The following HLA-DQB1 variants were observed in gnomAD, a reference collection of about 807,000 sequenced individuals.
HLA-DQB1 encodes HLA class II histocompatibility antigen, DQ beta 1 chain.
HLA-DQB1 carries 13 observed loss-of-function variants against 26.4 expected under a neutral mutation model. The ratio of observed to expected loss-of-function variants is 0.49; its 90% CI spans 0.32 to 0.78. HLA-DQB1 has a LOEUF of 0.78. HLA-DQB1 is among the 30% of genes least tolerant of loss of function. The pLI is 0.03. For missense variants in HLA-DQB1, 158 were observed against 326.2 expected (o/e 0.48, Z 3.97); for synonymous variants, 60 against 129.1 (o/e 0.46, Z 3.63).
chr6:32,664,649 G>GCCCC, intron 2 of HLA-DQB1, 149 bp downstream of exon 2: 1 of 210,466 alleles, frequency 4.8e-6, no homozygotes, highest in Non-Finnish European at 8.7e-6. Context: ...CGATGCACCT[G>GCCCC]CCCCCACCAC....
rs1130391 is a variant in HLA-DQB1, at chr6:32,664,847, C to T, written c.330G>A (p.Val110=). The change falls in exon 2 of 5, where the codon GTG becomes GTA. Residue 110 remains valine, a synonymous_variant. Coordinates refer to ENST00000434651, the Ensembl canonical transcript of HLA-DQB1. ...ACGCCACCTCGTAGTTGTGTCTGCACACCGTGTCCAACTCCGCCCGGGTCC... is the reference window on the plus strand; with the variant it reads ...ACGCCACCTCGTAGTTGTGTCTGCATACCGTGTCCAACTCCGCCCGGGTCC... The T allele has an allele frequency of 1.9e-3, 2,037 of 1,055,466 alleles. 265 individuals carry two copies. The highest frequency in any genetic ancestry group is 0.014 in the Admixed American group (634 of 44,664). 65.4% of individuals were successfully genotyped at this position (1,055,466 alleles called of 1,614,324 possible).
intron 4 of HLA-DQB1, chr6:32,660,517 A>G: frequency 2.8e-6 from 1 of 355,004 alleles, no homozygotes; most frequent in Non-Finnish European, 5.1e-6. Flanking sequence ...AAATTGGATG[A>G]TATCTCTTCC....
intron 4 of HLA-DQB1, among the ~76,000 whole-genome samples, chr6:32,661,102 G>C (rs1272395825): frequency 7.2e-6 from 1 of 137,998 alleles, no homozygotes; most frequent in African/African-American, 2.6e-5. Context: ...GAAGCTTTTG[G>C]AAAGGAGCCA....
At chr6:32,663,555 A>G (rs9274250) in intron 2 of HLA-DQB1, 109,742 of 143,984 alleles carry the variant, frequency 0.76, 42,456 homozygotes, top group East Asian at 0.91. Flanking sequence ...GAGGCTTAAG[A>G]TCTTGGTGAG....
intron 1 of HLA-DQB1, among the ~76,000 whole-genome samples, chr6:32,665,909 T>A (rs115319192): frequency 0.24 from 22,002 of 93,514 alleles, 2,324 homozygotes; most frequent in East Asian, 0.26. Flanking sequence ...CAGTCCACCA[T>A]TAACTCGGGT....
At chr6:32,661,761 C>G in intron 3 of HLA-DQB1, 1 of 524,226 alleles carries the variant, frequency 1.9e-6, no homozygotes. Context: ...TTCAGAGCAA[C>G]AGTATGTAGA....
exon 3 of HLA-DQB1, chr6:32,662,081 C>T (rs1289520767): frequency 1.3e-6 from 2 of 1,521,142 alleles, no homozygotes; most frequent in East Asian, 2.6e-5. Context: ...GTCCAGTCAC[C>T]ATTCCTAATA....
In HLA-DQB1 at chr6:32,665,085, C is replaced by A. The variant is rs281862035; in HGVS notation, c.110-18G>T. ...GAAATCCTCTGCGGGGAATCACCGG[C>A]CGGTCAGTCAGGCCCCAGCCCGGCC... On this transcript the variant is annotated intron_variant, in intron 1 of 4. Transcript: ENST00000434651. 2 of 1,205,984 alleles carry A rather than the reference C, an allele frequency of 1.7e-6. No homozygotes were observed. The highest frequency in any genetic ancestry group is 2.3e-6 in the Non-Finnish European group (2 of 878,716). 74.7% of individuals were successfully genotyped at this position (1,205,984 alleles called of 1,614,324 possible).
At chr6:32,665,510 C>T (rs28746817) in intron 1 of HLA-DQB1, among the ~76,000 whole-genome samples, 24,726 of 111,122 alleles carry the variant, frequency 0.22, 4,295 homozygotes, top group Middle Eastern at 0.39. Context: ...CGTTCTGACA[C>T]GCGTATTCTC....
At chr6:32,666,655 G>T in exon 1 of HLA-DQB1, 1 of 711,646 alleles carries the variant, frequency 1.4e-6, no homozygotes, top group Non-Finnish European at 2.4e-6. Flanking sequence ...GCTCGGACCT[G>T]ATGGATCTGA....
intron 2 of HLA-DQB1, 34 bp downstream of exon 2, chr6:32,664,764 A>C (rs281862149): frequency 2.4e-6 from 2 of 824,130 alleles, no homozygotes; most frequent in South Asian, 3.7e-5. Context: ...GTCTCGGCCA[A>C]GGGTGGGCCT....
chr6:32,664,725 C>A, intron 2 of HLA-DQB1, 73 bp downstream of exon 2: 2 of 550,542 alleles, frequency 3.6e-6, no homozygotes, highest in Non-Finnish European at 2.6e-6. Flanking sequence ...ACCTCGCCCC[C>A]ATCGCCCCTC....
intron 3 of HLA-DQB1, 125 bp downstream of exon 3, chr6:32,661,842 G>A (rs9273861): frequency 0.025 from 19,954 of 787,530 alleles, 1,467 homozygotes; most frequent in South Asian, 0.16. Flanking sequence ...GGAGCAAGAG[G>A]TGCTCTAGTC....
chr6:32,664,873 C>CTCTG lies in HLA-DQB1; in HGVS notation c.303_304insCAGA (p.Gly102GlnfsTer67). The stretch of plus-strand genomic sequence containing the variant: ...ACCGTGTCCAACTCCGCCCGGGTCC[C>CTCTG]CTCCAGGACTTCCTTCTGGCTGTTC... On this transcript the variant is annotated frameshift_variant, in exon 2 of 5. Coordinates refer to ENST00000434651, the Ensembl canonical transcript of HLA-DQB1. LOFTEE classifies it high-confidence loss of function. The CTCTG allele has an allele frequency of 2.7e-6, 3 of 1,125,196 alleles. No individual in the cohort carries two copies. The highest frequency in any genetic ancestry group is 1.9e-5 in the African/African-American group (1 of 53,548). The allele number at this position is 1,125,196 out of a possible 1,614,324, so 69.7% of individuals were successfully genotyped here.
At position 32,665,108 on chromosome 6, in the gene HLA-DQB1, G is replaced by T. The variant is rs9274412; in HGVS notation, c.110-41C>A. On this transcript the variant is annotated intron_variant, in intron 1 of 4. Coordinates refer to ENST00000434651, the Ensembl canonical transcript of HLA-DQB1. ...GGCCGGTCAGTCAGGCCCCAGCCCG[G>T]CCGCCCCCGCAGCCGCCGCCCTGAC... 2,954 of 1,063,478 alleles carry T rather than the reference G, an allele frequency of 2.8e-3. 94 individuals are homozygous for T. Among genetic ancestry groups the T allele is most frequent in the African/African-American group, 7.7e-3 (379 of 49,024 alleles). The allele number at this position is 1,063,478 out of a possible 1,614,324, so 65.9% of individuals were successfully genotyped here.
exon 1 of HLA-DQB1, chr6:32,666,611 T>A: frequency 9.9e-7 from 1 of 1,009,876 alleles, no homozygotes; most frequent in Non-Finnish European, 1.5e-6. Flanking sequence ...AAGACATAAC[T>A]GAGACGAAGG....
intron 3 of HLA-DQB1, 47 bp downstream of exon 3, chr6:32,661,920 T>TCTTTC: frequency 4.9e-6 from 6 of 1,214,392 alleles, no homozygotes; most frequent in Non-Finnish European, 7.0e-6. Flanking sequence ...CAGAAGGAGC[T>TCTTTC]CTTTGTCTTG....
chr6:32,665,746 C>A lies in HLA-DQB1; in HGVS notation c.110-679G>T, dbSNP rs111782027. Among the ~76,000 whole-genome samples, 189 of 116,482 alleles carry A rather than the reference C, an allele frequency of 1.6e-3. 3 individuals are homozygous for A. Among genetic ancestry groups the A allele is most frequent in the Middle Eastern group, 0.015 (3 of 194 alleles). The allele number at this position is 116,482 out of a possible 152,430, so 76.4% of individuals were successfully genotyped here. On this transcript the variant is annotated intron_variant, in intron 1 of 4. Transcript: ENST00000434651. ...GTTATGTAACAGAATATCCATATCA[C>A]AAGTATAATTGTGTAAAAGAAAATC...
chr6:32,660,845 G>A, intron 4 of HLA-DQB1: 2 of 1,462,600 alleles, frequency 1.4e-6, no homozygotes, highest in Non-Finnish European at 1.8e-6. Context: ...ACTGGATCAT[G>A]GCTGAAATAT....
Sources: allele counts gnomAD v4.1 joint callset (sites outside exome capture counted in the v4.1 genomes callset), GRCh38; gene constraint gnomAD v4.1.1; transcripts MANE v1.5; gene names NCBI Gene and HGNC (gene_info 2026-07-23, HGNC 2026-07-21).